The following CNTNAP2 variants were observed in gnomAD, a reference collection of about 807,000 sequenced individuals.
The protein encoded by CNTNAP2 is contactin-associated protein-like 2.
Under a neutral mutation model 155.2 loss-of-function variants are expected in CNTNAP2, and 98 were observed. The ratio of observed to expected loss-of-function variants is 0.63; its 90% CI spans 0.54 to 0.75. CNTNAP2 has a LOEUF of 0.75. Among genes scored for constraint, CNTNAP2 ranks in the 30% least tolerant of loss-of-function variants. CNTNAP2 has a pLI of 0.00. For synonymous variants in CNTNAP2, 651 were observed against 631.2 expected, an observed-to-expected ratio of 1.03 and a Z score of -0.47; for missense variants, 1,727 against 1,688.1, an observed-to-expected ratio of 1.02 and a Z score of -0.40.
chr7:146,744,457 G>C (rs563911468), intron 1 of CNTNAP2, among the ~76,000 whole-genome samples: 1 of 152,182 alleles, frequency 6.6e-6, no homozygotes, highest in South Asian at 2.1e-4. Context: ...ACTCACTTCT[G>C]CTTCTTCCAT....
chr7:148,077,463 C>T (rs1288504393), intron 15 of CNTNAP2, among the ~76,000 whole-genome samples: 1 of 152,102 alleles, frequency 6.6e-6, no homozygotes, highest in Non-Finnish European at 1.5e-5. Context: ...TGTCTTTCCC[C>T]AGATGTTCCC....
At chr7:147,528,096 A>G (rs1489733682) in intron 11 of CNTNAP2, among the ~76,000 whole-genome samples, 1 of 152,222 alleles carries the variant, frequency 6.6e-6, no homozygotes, top group Admixed American at 6.5e-5. Flanking sequence ...ACACACTTCC[A>G]GGTTGCACCT....
At chr7:148,302,450 C>G (rs1405402874) in intron 21 of CNTNAP2, among the ~76,000 whole-genome samples, 1 of 152,134 alleles carries the variant, frequency 6.6e-6, no homozygotes, top group African/African-American at 2.4e-5. Context: ...CCTTTTTCAG[C>G]CTCCCAAAGC....
intron 1 of CNTNAP2, among the ~76,000 whole-genome samples, chr7:146,667,799 C>T (rs1172437693): frequency 1.3e-5 from 2 of 151,626 alleles, no homozygotes; most frequent in Non-Finnish European, 2.9e-5. Flanking sequence ...TATAGAAATG[C>T]TATGGATTTT....
At chr7:146,281,876 A>C (rs576831594) in intron 1 of CNTNAP2, among the ~76,000 whole-genome samples, 1 of 152,196 alleles carries the variant, frequency 6.6e-6, no homozygotes, top group Non-Finnish European at 1.5e-5. Context: ...AGTGAGGATA[A>C]AATATGAAAT....
At chr7:146,216,640 G>A (rs17169990) in intron 1 of CNTNAP2, among the ~76,000 whole-genome samples, 17,025 of 152,110 alleles carry the variant, frequency 0.11, 1,070 homozygotes, top group African/African-American at 0.18. Flanking sequence ...CCTCTTTTAC[G>A]TAATCCCATG....
intron 1 of CNTNAP2, among the ~76,000 whole-genome samples, chr7:146,712,196 CAA>C (rs1212885629): frequency 2.6e-5 from 3 of 114,300 alleles, no homozygotes; most frequent in South Asian, 2.8e-4. Flanking sequence ...CTTATGTATA[CAA>C]ATATGTATAC....
chr7:146,677,649 T>G (rs1457449620), intron 1 of CNTNAP2, among the ~76,000 whole-genome samples: 1 of 152,050 alleles, frequency 6.6e-6, no homozygotes, highest in Non-Finnish European at 1.5e-5. Flanking sequence ...GTGCCCAATG[T>G]TTAGCTCCTT....
chr7:147,305,076 G>T (rs559004556), intron 9 of CNTNAP2, among the ~76,000 whole-genome samples: 1 of 152,102 alleles, frequency 6.6e-6, no homozygotes, highest in East Asian at 1.9e-4. Context: ...GCCCCCAAAG[G>T]CCCCACTCCT....
chr7:147,223,389 T>C (rs1164840440), intron 8 of CNTNAP2, among the ~76,000 whole-genome samples: 1 of 152,158 alleles, frequency 6.6e-6, no homozygotes, highest in Non-Finnish European at 1.5e-5. Context: ...CTAGGACTCA[T>C]GACAAAGCTG....
intron 13 of CNTNAP2, among the ~76,000 whole-genome samples, chr7:147,677,092 T>A (rs182073852): frequency 6.6e-6 from 1 of 151,308 alleles, no homozygotes; most frequent in Admixed American, 6.6e-5. Context: ...TTGAGGAACC[T>A]CCATACTGTT....
intron 1 of CNTNAP2, among the ~76,000 whole-genome samples, chr7:146,519,722 G>C (rs1350275426): frequency 6.6e-6 from 1 of 151,832 alleles, no homozygotes; most frequent in Admixed American, 6.6e-5. Context: ...AGACACGCAG[G>C]GGAGGATATT....
In CNTNAP2 at chr7:146,679,353, T is replaced by G. The variant is rs548893008; in HGVS notation, c.98-94918T>G. Reference sequence around the variant, plus strand: ...AAAGGACATGATCTTGTTTCTTTTTTTTTTTTTTTTTTTTGGAGACAGAGT... The same window carrying G: ...AAAGGACATGATCTTGTTTCTTTTTGTTTTTTTTTTTTTTGGAGACAGAGT... On this transcript the variant is annotated intron_variant, in intron 1 of 23. Coordinates refer to ENST00000361727, the MANE Select transcript of CNTNAP2 (RefSeq NM_014141.6). Among the ~76,000 whole-genome samples the G allele has an allele frequency of 1.5e-4, 21 of 143,696 alleles. No individual in the cohort carries two copies. In the East Asian group the frequency reaches 4.3e-3, roughly 29 times the overall value. The allele number at this position is 143,696 out of a possible 152,430, so 94.3% of individuals were successfully genotyped here. A position where few individuals can be genotyped will look rare whatever the true frequency, so the allele number is the denominator to read the frequency against.
At chr7:147,627,270 C>G (rs1331058422) in intron 12 of CNTNAP2, among the ~76,000 whole-genome samples, 3 of 152,106 alleles carry the variant, frequency 2.0e-5, no homozygotes, top group African/African-American at 4.8e-5. Context: ...TCTATAGTAT[C>G]CCCAAAAGAT....
intron 1 of CNTNAP2, among the ~76,000 whole-genome samples, chr7:146,379,043 C>T (rs1795344554): frequency 6.6e-6 from 1 of 152,234 alleles, no homozygotes; most frequent in African/African-American, 2.4e-5. Context: ...TTCTCTGGCT[C>T]TCCTTTGCCT....
intron 1 of CNTNAP2, among the ~76,000 whole-genome samples, chr7:146,434,432 TG>T (rs1397145545): frequency 1.3e-5 from 2 of 152,208 alleles, no homozygotes; most frequent in African/African-American, 4.8e-5. Context: ...CACAGCAGTC[TG>T]AAACTTTCAA....
intron 4 of CNTNAP2, among the ~76,000 whole-genome samples, chr7:147,099,633 A>G (rs547506190): frequency 2.0e-5 from 3 of 152,342 alleles, no homozygotes; most frequent in East Asian, 1.9e-4. Flanking sequence ...AAATTTGGAC[A>G]GAACACTGAC....
chr7:147,903,790 A>G, intron 14 of CNTNAP2, 69 bp downstream of exon 14: 5 of 1,570,396 alleles, frequency 3.2e-6, no homozygotes, highest in Non-Finnish European at 8.7e-7. Context: ...CTCATGTGAT[A>G]GAAGAAAGTT....
At chr7:147,181,777 A>G (rs761842651) in intron 8 of CNTNAP2, among the ~76,000 whole-genome samples, 14 of 152,212 alleles carry the variant, frequency 9.2e-5, no homozygotes, top group Non-Finnish European at 1.8e-4. Flanking sequence ...AAGAATTTAA[A>G]GTTACATGTC....
Sources: allele counts gnomAD v4.1 joint callset (sites outside exome capture counted in the v4.1 genomes callset), GRCh38; gene constraint gnomAD v4.1.1; transcripts MANE v1.5; gene names NCBI Gene and HGNC (gene_info 2026-07-23, HGNC 2026-07-21).